PRMT8: variants seen among roughly 807,000 people sequenced by gnomAD.
PRMT8 encodes the protein protein arginine methyltransferase 8.
PRMT8 carries 7 observed loss-of-function variants against 47.1 expected under a neutral mutation model. The ratio of observed to expected loss-of-function variants is 0.15; its 90% CI spans 0.08 to 0.28. The LOEUF is 0.28. Among genes scored for constraint, PRMT8 ranks in the 10% least tolerant of loss-of-function variants. PRMT8 has a pLI of 1.00. For synonymous variants in PRMT8, 188 were observed against 186.5 expected, an observed-to-expected ratio of 1.01 and a Z score of -0.07; for missense variants, 237 against 505.4, an observed-to-expected ratio of 0.47 and a Z score of 5.09.
At chr12:3,448,927 C>T (rs887403250) in intron 1 of PRMT8, among the ~76,000 whole-genome samples, 2 of 152,050 alleles carry the variant, frequency 1.3e-5, no homozygotes, top group Admixed American at 6.6e-5. Flanking sequence ...GTGCTATTCC[C>T]CTCCCTGTGT....
In PRMT8 at chr12:3,411,033, C is replaced by T. The variant is rs181220698; in HGVS notation, c.48+29591C>T. The stretch of plus-strand genomic sequence containing the variant: ...AGTCCAAGGGTAGGCCACCTTAATT[C>T]AGCCAGGAATCGGCATGCTTTGAGG... On this transcript the variant is annotated intron_variant, in intron 1 of 9. Transcript: ENST00000452611. Among the ~76,000 whole-genome samples, 9 of 152,324 alleles carry T rather than the reference C, an allele frequency of 5.9e-5. No individual in the cohort carries two copies. In the East Asian group the frequency reaches 1.7e-3, roughly 29 times the overall value.
chr12:3,538,480 C>T lies in PRMT8; in HGVS notation c.76-2126C>T. On this transcript the variant is annotated intron_variant, in intron 1 of 9. Coordinates refer to ENST00000382622, the MANE Select transcript of PRMT8 (RefSeq NM_019854.5). The surrounding 1 kb of genome is among the most constrained non-coding windows in gnomAD (Gnocchi z 4.6). ...GATCACAGGCCACTGCCGTTTCCCA[C>T]CCACTCCCAGCCTCCGGGGAGTCTT... 4 of 369,184 alleles carry T rather than the reference C, an allele frequency of 1.1e-5. No homozygotes were observed. The highest frequency in any genetic ancestry group is 8.2e-5 in the South Asian group (4 of 49,020). 22.9% of individuals were successfully genotyped at this position (369,184 alleles called of 1,614,324 possible). A position where few individuals can be genotyped will look rare whatever the true frequency, so the allele number is the denominator to read the frequency against.
At chr12:3,539,784 CA>C (rs1450947827) in intron 1 of PRMT8, among the ~76,000 whole-genome samples, 1 of 152,124 alleles carries the variant, frequency 6.6e-6, no homozygotes, top group African/African-American at 2.4e-5. Flanking sequence ...TTGGGGCACC[CA>C]GAAATAGCAA....
At chr12:3,541,497 A>T (rs1256850177) in intron 2 of PRMT8, among the ~76,000 whole-genome samples, 1 of 152,236 alleles carries the variant, frequency 6.6e-6, no homozygotes, top group East Asian at 1.9e-4. Context: ...GTGCTTGCTA[A>T]GTGACAGGCA....
chr12:3,579,965 C>G (rs980771072), intron 7 of PRMT8, among the ~76,000 whole-genome samples: 1 of 152,024 alleles, frequency 6.6e-6, no homozygotes, highest in Non-Finnish European at 1.5e-5. Flanking sequence ...AAGAGGAAGC[C>G]TCCTAGTCGA....
chr12:3,514,701 A>G lies in PRMT8; in HGVS notation c.75+23001A>G, dbSNP rs924202122. ...GCGACAGGAGCACCAGTGGGAGGGC[A>G]ACAGGAGCACCAGTGGGAGGGTGGG... On this transcript the variant is annotated intron_variant, in intron 1 of 9. Coordinates refer to ENST00000382622, the MANE Select transcript of PRMT8 (RefSeq NM_019854.5). The surrounding 1 kb of genome is among the most constrained non-coding windows in gnomAD (Gnocchi z 5.9). Among the ~76,000 whole-genome samples, 8 of 152,002 alleles carry G rather than the reference A, an allele frequency of 5.3e-5. No homozygotes were observed. Among genetic ancestry groups the G allele is most frequent in the Non-Finnish European group, 1.2e-4 (8 of 67,970 alleles).
intron 1 of PRMT8, among the ~76,000 whole-genome samples, chr12:3,494,742 A>C (rs1865479669): frequency 6.6e-6 from 1 of 152,200 alleles, no homozygotes; most frequent in Non-Finnish European, 1.5e-5. Context: ...CGAAGTACCC[A>C]GCTAGGGTAC....
intron 6 of PRMT8, chr12:3,574,203 G>A (rs1258617517): frequency 6.6e-6 from 1 of 152,212 alleles, no homozygotes; most frequent in Non-Finnish European, 1.5e-5. Context: ...TGGGTGTTGA[G>A]GGTACAGGAG....
chr12:3,405,468 G>C (rs1864363108), intron 1 of PRMT8, among the ~76,000 whole-genome samples: 1 of 152,128 alleles, frequency 6.6e-6, no homozygotes, highest in Non-Finnish European at 1.5e-5. Context: ...CCAAATCTTA[G>C]CTCATTCTAG....
In PRMT8 at chr12:3,569,336, C is replaced by A; in HGVS notation, c.625-141C>A. On this transcript the variant is annotated intron_variant, in intron 5 of 9. Coordinates refer to ENST00000382622, the MANE Select transcript of PRMT8 (RefSeq NM_019854.5). This position sits in a 1 kb window ranked among gnomAD's most constrained non-coding sequence, Gnocchi z 8.2. ...TTGAGCACTGCTGTCCTAGCCCTCA[C>A]CCCAGACAAGGTGACAGTCCACTGC... The A allele has an allele frequency of 1.3e-6, 1 of 761,426 alleles. No homozygotes were observed. The highest frequency in any genetic ancestry group is 1.5e-5 in the South Asian group (1 of 65,248). The allele number at this position is 761,426 out of a possible 1,614,324, so 47.2% of individuals were successfully genotyped here.
chr12:3,546,553 C>T (rs900733401), intron 2 of PRMT8, among the ~76,000 whole-genome samples: 7 of 152,116 alleles, frequency 4.6e-5, no homozygotes, highest in African/African-American at 1.2e-4. Context: ...ATGACAATGT[C>T]GTGCTGATAA....
At chr12:3,419,569 TCAC>T (rs1463512983) in intron 1 of PRMT8, among the ~76,000 whole-genome samples, 1 of 151,690 alleles carries the variant, frequency 6.6e-6, no homozygotes, top group Non-Finnish European at 1.5e-5. Context: ...GCCTAAGCAA[TCAC>T]CAAGACCTTG....
chr12:3,383,568 TGAAA>T (rs1864112202), intron 1 of PRMT8, among the ~76,000 whole-genome samples: 1 of 152,214 alleles, frequency 6.6e-6, no homozygotes, highest in African/African-American at 2.4e-5. Context: ...TGAAAGAAGC[TGAAA>T]GAGTTTGTTC....
At chr12:3,575,416 A>T (rs1370930732) in intron 6 of PRMT8, among the ~76,000 whole-genome samples, 1 of 152,240 alleles carries the variant, frequency 6.6e-6, no homozygotes, top group Non-Finnish European at 1.5e-5. Context: ...CAGATGAATG[A>T]GATTCAGGTG....
intron 1 of PRMT8, among the ~76,000 whole-genome samples, chr12:3,464,667 C>G (rs1427947469): frequency 6.6e-6 from 1 of 152,184 alleles, no homozygotes; most frequent in Non-Finnish European, 1.5e-5. Context: ...GCCTCTACCC[C>G]TTAAAAGAAA....
chr12:3,519,973 A>G (rs924954359), intron 1 of PRMT8, among the ~76,000 whole-genome samples: 1 of 152,244 alleles, frequency 6.6e-6, no homozygotes, highest in African/African-American at 2.4e-5. Flanking sequence ...TAAAAACCCA[A>G]TACAGGCGAA....
chr12:3,582,046 C>G (rs554364868), intron 7 of PRMT8, among the ~76,000 whole-genome samples: 63 of 152,336 alleles, frequency 4.1e-4, no homozygotes, highest in Non-Finnish European at 7.8e-4. Flanking sequence ...ACCAGGCATA[C>G]AGATGGCCTT....
intron 1 of PRMT8, among the ~76,000 whole-genome samples, chr12:3,431,831 G>A (rs1864682082): frequency 6.6e-6 from 1 of 152,184 alleles, no homozygotes; most frequent in African/African-American, 2.4e-5. Flanking sequence ...TGAAAGAGAA[G>A]GTGAGATATG....
At chr12:3,388,916 T>C (rs573746925) in intron 1 of PRMT8, among the ~76,000 whole-genome samples, 29 of 152,368 alleles carry the variant, frequency 1.9e-4, no homozygotes, top group African/African-American at 6.7e-4. Context: ...GTCACTCTTC[T>C]CTGACTGTTA....
Sources: allele counts gnomAD v4.1 joint callset (sites outside exome capture counted in the v4.1 genomes callset), GRCh38; gene constraint gnomAD v4.1.1; non-coding constraint Gnocchi (gnomAD v3.1); transcripts MANE v1.5; gene names NCBI Gene and HGNC (gene_info 2026-07-23, HGNC 2026-07-21).